Variants in FBXL20 observed in about 807,000 individuals in gnomAD.
FBXL20 encodes F-box and leucine rich repeat protein 20.
In FBXL20, 11 loss-of-function variants were observed where a neutral mutation model predicts 64.0. The ratio of observed to expected loss-of-function variants is 0.17; its 90% CI spans 0.11 to 0.28. The LOEUF (loss-of-function observed/expected upper bound fraction) is 0.28. Among genes scored for constraint, FBXL20 ranks in the 10% least tolerant of loss-of-function variants. The pLI is 1.00. For missense variants in FBXL20, 303 were observed against 526.2 expected (o/e 0.58, Z 4.15); for synonymous variants, 184 against 189.0 (o/e 0.97, Z 0.22).
chr17:39,372,826 G>C (rs1254048662), intron 1 of FBXL20, among the ~76,000 whole-genome samples: 2 of 151,584 alleles, frequency 1.3e-5, no homozygotes, highest in Non-Finnish European at 2.9e-5. Context: ...GGTTTCACCA[G>C]GTTGGTCAGG....
Position 39,260,885 on chromosome 17 carries a change from A to G in FBXL20, c.*575T>C, listed in dbSNP as rs1423315223. 1 of 155,764 alleles carries G rather than the reference A, an allele frequency of 6.4e-6. No individual in the cohort carries two copies. Among genetic ancestry groups the G allele is most frequent in the African/African-American group, 2.4e-5 (1 of 41,480 alleles). 9.6% of individuals were successfully genotyped at this position (155,764 alleles called of 1,614,324 possible). ...TTAGGAAACCTCTGGGCCAAATACT[A>G]AAACACAGGAGGAATGGACGAGCCT... On this transcript the variant is annotated 3_prime_UTR_variant, in exon 15 of 15. Coordinates refer to ENST00000264658, the MANE Select transcript of FBXL20 (RefSeq NM_032875.3).
chr17:39,372,062 G>A (rs1276460932), intron 1 of FBXL20, among the ~76,000 whole-genome samples: 2 of 152,078 alleles, frequency 1.3e-5, no homozygotes, highest in African/African-American at 2.4e-5. Flanking sequence ...TGAAGCACTT[G>A]GGTTTGACCC....
chr17:39,315,766 C>T (rs2047281790), intron 2 of FBXL20, among the ~76,000 whole-genome samples: 1 of 148,476 alleles, frequency 6.7e-6, no homozygotes, highest in Non-Finnish European at 1.5e-5. Context: ...GGTGGCATGG[C>T]ATGAAGTGCC....
At chr17:39,351,976 C>G (rs902014448) in intron 1 of FBXL20, among the ~76,000 whole-genome samples, 2 of 152,048 alleles carry the variant, frequency 1.3e-5, no homozygotes, top group African/African-American at 4.8e-5. Flanking sequence ...CTTTGAAGGC[C>G]CTTGTACCAA....
intron 1 of FBXL20, among the ~76,000 whole-genome samples, chr17:39,354,923 GTTTT>G (rs981159573): frequency 1.3e-5 from 2 of 151,174 alleles, no homozygotes; most frequent in East Asian, 1.9e-4. Flanking sequence ...AAATTTCTTG[GTTTT>G]TTTGTTTGTT....
intron 2 of FBXL20, among the ~76,000 whole-genome samples, chr17:39,319,984 GATGGTAA>G (rs932409462): frequency 6.6e-6 from 1 of 152,126 alleles, no homozygotes; most frequent in African/African-American, 2.4e-5. Context: ...AAAACACACA[GATGGTAA>G]TATACATACT....
At chr17:39,358,502 GC>G (rs2047763289) in intron 1 of FBXL20, among the ~76,000 whole-genome samples, 1 of 151,986 alleles carries the variant, frequency 6.6e-6, no homozygotes, top group South Asian at 2.1e-4. Context: ...GGCCAACATG[GC>G]GAAACCCTGT....
chr17:39,398,040 C>CGGG (rs56842905), intron 1 of FBXL20, among the ~76,000 whole-genome samples: 9 of 56,672 alleles, frequency 1.6e-4, no homozygotes, highest in South Asian at 1.4e-3. Flanking sequence ...GGCCGGCGGG[C>CGGG]GGGGGGGGGG....
At chr17:39,284,273 C>T (rs2046970893) in intron 7 of FBXL20, among the ~76,000 whole-genome samples, 1 of 152,098 alleles carries the variant, frequency 6.6e-6, no homozygotes, top group Non-Finnish European at 1.5e-5. Context: ...GTTATATTAT[C>T]AAGTTTATTA....
chr17:39,298,768 A>G (rs2047108625), intron 5 of FBXL20, among the ~76,000 whole-genome samples: 1 of 152,154 alleles, frequency 6.6e-6, no homozygotes, highest in African/African-American at 2.4e-5. Flanking sequence ...CAAAGCTCCA[A>G]AAGAACCACT....
At chr17:39,306,638 C>T (rs955680214) in intron 2 of FBXL20, among the ~76,000 whole-genome samples, 2 of 152,176 alleles carry the variant, frequency 1.3e-5, no homozygotes, top group Non-Finnish European at 2.9e-5. Flanking sequence ...CAGTATCACA[C>T]TATTTTAAAT....
chr17:39,340,959 C>T (rs1244598475), intron 2 of FBXL20, among the ~76,000 whole-genome samples: 1 of 145,250 alleles, frequency 6.9e-6, no homozygotes, highest in East Asian at 2.0e-4. Context: ...AAAGATGCCT[C>T]TATGCTATTT....
At chr17:39,356,030 A>G (rs184219998) in intron 1 of FBXL20, among the ~76,000 whole-genome samples, 29 of 151,840 alleles carry the variant, frequency 1.9e-4, no homozygotes, top group African/African-American at 6.0e-4. Context: ...CCTGGCCAAC[A>G]TGGTGAAACC....
At chr17:39,326,750 G>C (rs1434991921) in intron 2 of FBXL20, among the ~76,000 whole-genome samples, 1 of 151,742 alleles carries the variant, frequency 6.6e-6, no homozygotes, top group African/African-American at 2.4e-5. Flanking sequence ...CTCCCAAGTA[G>C]TTAGGACTAC....
chr17:39,317,327 G>A (rs1015571395), intron 2 of FBXL20, among the ~76,000 whole-genome samples: 17 of 152,102 alleles, frequency 1.1e-4, no homozygotes, highest in South Asian at 2.1e-4. Context: ...CGCTTCCGGG[G>A]TTCAACTGAT....
intron 2 of FBXL20, among the ~76,000 whole-genome samples, chr17:39,323,824 G>A (rs1037002451): frequency 2.0e-5 from 3 of 150,880 alleles, no homozygotes; most frequent in Non-Finnish European, 4.4e-5. Context: ...CCAGGCTGGA[G>A]TGCAGTGATG....
rs1196001989 is a variant in FBXL20 at position 39,297,171 on chromosome 17, G to A, written c.354C>T (p.Asn118=). Residue 118 remains asparagine, a synonymous_variant, in exon 6 of 15, where the codon AAC becomes AAT. Transcript: ENST00000264658. Reference sequence around the variant, plus strand: ...ACCCATTTAGATTCAGTACTTCAATGTTCCTGCAGTTTTGTGCAAAGGTTC... The same window carrying A: ...ACCCATTTAGATTCAGTACTTCAATATTCCTGCAGTTTTGTGCAAAGGTTC... ...ALRTFAQNCR[N]IEVLNLNGCT... is the part of the protein sequence containing the mutation. 1 of 1,610,612 alleles carries A rather than the reference G, an allele frequency of 6.2e-7. No individual in the cohort carries two copies. The highest frequency in any genetic ancestry group is 8.5e-7 in the Non-Finnish European group (1 of 1,177,868).
intron 2 of FBXL20, among the ~76,000 whole-genome samples, chr17:39,337,920 G>A (rs576345205): frequency 2.0e-5 from 3 of 150,510 alleles, no homozygotes; most frequent in African/African-American, 4.9e-5. Flanking sequence ...AGGTGGGGGG[G>A]TCAGCCCCCC....
chr17:39,270,536 C>T (rs1451989141), intron 11 of FBXL20, among the ~76,000 whole-genome samples: 1 of 151,632 alleles, frequency 6.6e-6, no homozygotes, highest in African/African-American at 2.4e-5. Flanking sequence ...AGAGCGAGAC[C>T]CCATCTCAAA....
Sources: gnomAD v4.1 joint callset for allele counts (sites outside exome capture counted in the v4.1 genomes callset) on GRCh38, gnomAD v4.1.1 for gene constraint, MANE v1.5 for transcripts, NCBI Gene and HGNC (gene_info 2026-07-23, HGNC 2026-07-21) for gene names.